Variants in ERBB4 observed in about 807,000 individuals in gnomAD.
ERBB4 encodes erb-b2 receptor tyrosine kinase 4, also known as receptor tyrosine-protein kinase erbB-4.
A neutral mutation model predicts 158.0 loss-of-function variants in ERBB4; 42 were observed. That is an observed-to-expected ratio of 0.27 (90% confidence interval 0.21 to 0.34). ERBB4 has a LOEUF of 0.34. Among genes scored for constraint, ERBB4 ranks in the 10% least tolerant of loss-of-function variants. The probability of loss-of-function intolerance (pLI) is 1.00; values close to 1 mark genes in which losing one functional copy is unlikely to be tolerated. For missense variants in ERBB4, 1,333 were observed against 1,624.1 expected (o/e 0.82, Z 3.08); for synonymous variants, 583 against 558.7 (o/e 1.04, Z -0.61).
chr2:211,978,249 C>T (rs911649984), intron 2 of ERBB4, among the ~76,000 whole-genome samples: 5 of 151,916 alleles, frequency 3.3e-5, no homozygotes, highest in Non-Finnish European at 5.9e-5. Context: ...GTGAAAGTGA[C>T]TTGTGTCACT....
intron 1 of ERBB4, among the ~76,000 whole-genome samples, chr2:212,502,600 T>G (rs1218267820): frequency 6.6e-6 from 1 of 152,172 alleles, no homozygotes; most frequent in East Asian, 1.9e-4. Context: ...GACTGCTGGC[T>G]GTTAACCAAA....
chr2:212,294,328 C>T (rs17418647), intron 1 of ERBB4, among the ~76,000 whole-genome samples: 29,689 of 151,782 alleles, frequency 0.2, 3,164 homozygotes, highest in South Asian at 0.34. Context: ...TACACTAAAA[C>T]TGAGAAATTC....
chr2:212,149,457 T>C (rs1159809635), intron 1 of ERBB4, among the ~76,000 whole-genome samples: 2 of 152,178 alleles, frequency 1.3e-5, no homozygotes, highest in Non-Finnish European at 2.9e-5. Context: ...ATAAACAACT[T>C]ATGAAATCGG....
chr2:211,614,602 T>C (rs183228157), intron 19 of ERBB4, among the ~76,000 whole-genome samples: 3 of 152,202 alleles, frequency 2.0e-5, no homozygotes, highest in African/African-American at 7.2e-5. Context: ...TGGAACAGGA[T>C]ATAGCTAAGA....
At chr2:212,235,610 G>A (rs2083838614) in intron 1 of ERBB4, among the ~76,000 whole-genome samples, 1 of 152,208 alleles carries the variant, frequency 6.6e-6, no homozygotes, top group African/African-American at 2.4e-5. Flanking sequence ...AGAATGGAAT[G>A]TGTTTGCATT....
intron 20 of ERBB4, among the ~76,000 whole-genome samples, chr2:211,451,989 C>A (rs2064256639): frequency 8.2e-6 from 1 of 121,722 alleles, no homozygotes; most frequent in African/African-American, 3.4e-5. Flanking sequence ...TCACATTTCA[C>A]TGCGAGTAGA....
chr2:212,343,497 C>T lies in ERBB4; in HGVS notation c.82+194952G>A, dbSNP rs192954689. On this transcript the variant is annotated intron_variant, in intron 1 of 27. Transcript: ENST00000342788. Reference sequence around the variant, plus strand: ...TCACTACATTCTACAACATACAACTCTAAATGCATTGAATAGAACATAAAT... The same window carrying T: ...TCACTACATTCTACAACATACAACTTTAAATGCATTGAATAGAACATAAAT... Among the ~76,000 whole-genome samples, 308 of 152,220 alleles carry T rather than the reference C, an allele frequency of 2.0e-3. 3 individuals are homozygous for T. The highest frequency in any genetic ancestry group is 3.3e-3 in the South Asian group (16 of 4,824).
intron 2 of ERBB4, among the ~76,000 whole-genome samples, chr2:212,014,031 C>A (rs917004773): frequency 6.6e-6 from 1 of 152,174 alleles, no homozygotes; most frequent in Non-Finnish European, 1.5e-5. Flanking sequence ...TGTAGAACAT[C>A]ACTTGGATTT....
chr2:211,841,753 A>G (rs1279206148), intron 3 of ERBB4, among the ~76,000 whole-genome samples: 1 of 152,048 alleles, frequency 6.6e-6, no homozygotes. Context: ...TCAAATGTCT[A>G]CAATACATTC....
intron 3 of ERBB4, among the ~76,000 whole-genome samples, chr2:211,897,702 A>G (rs2125023053): frequency 6.6e-6 from 1 of 151,984 alleles, no homozygotes; most frequent in Admixed American, 6.6e-5. Context: ...CTTTTTTTAA[A>G]TGGGGAAGAT....
At chr2:211,999,101 A>G (rs549778098) in intron 2 of ERBB4, among the ~76,000 whole-genome samples, 1 of 151,864 alleles carries the variant, frequency 6.6e-6, no homozygotes, top group East Asian at 1.9e-4. Context: ...TTTTTGAGGA[A>G]TATTTAATAA....
At chr2:212,383,027 G>A (rs1373637497) in intron 1 of ERBB4, among the ~76,000 whole-genome samples, 3 of 150,476 alleles carry the variant, frequency 2.0e-5, no homozygotes, top group Non-Finnish European at 4.5e-5. Flanking sequence ...TGACTTTTAT[G>A]TAGTTAATAA....
intron 1 of ERBB4, among the ~76,000 whole-genome samples, chr2:212,194,850 T>A (rs527878021): frequency 6.6e-6 from 1 of 152,124 alleles, no homozygotes; most frequent in African/African-American, 2.4e-5. Flanking sequence ...TTAAGCCACA[T>A]GGAAGATAAA....
intron 2 of ERBB4, among the ~76,000 whole-genome samples, chr2:212,064,578 A>T (rs1360731464): frequency 6.6e-6 from 1 of 151,988 alleles, no homozygotes; most frequent in African/African-American, 2.4e-5. Flanking sequence ...TTTTGGTAGG[A>T]TTATATTTTT....
intron 18 of ERBB4, among the ~76,000 whole-genome samples, chr2:211,623,007 ATATATATATATATATATATATATATAT>A (rs2069683321): frequency 2.9e-5 from 1 of 34,870 alleles, no homozygotes; most frequent in African/African-American, 1.4e-4. Context: ...ATATATATAT[ATATATATATATATATATATATATATAT>A]ATATATATAT....
At chr2:211,754,403 AT>A (rs1457657828) in intron 4 of ERBB4, among the ~76,000 whole-genome samples, 1 of 116,066 alleles carries the variant, frequency 8.6e-6, no homozygotes, top group Admixed American at 9.1e-5. Flanking sequence ...TATTGCAATA[AT>A]CCCTTTTTTT....
At chr2:212,224,128 G>T (rs77264490) in intron 1 of ERBB4, among the ~76,000 whole-genome samples, 9,538 of 151,784 alleles carry the variant, frequency 0.063, 353 homozygotes, top group Non-Finnish European at 0.082. Flanking sequence ...ACAATTAAAT[G>T]CATTTTTGCT....
At chr2:212,505,432 TCAAGTGAGGA>T (rs1691138446) in intron 1 of ERBB4, among the ~76,000 whole-genome samples, 1 of 124,130 alleles carries the variant, frequency 8.1e-6, no homozygotes. Flanking sequence ...GTATTAAACA[TCAAGTGAGGA>T]CACAATGAGG....
chr2:212,472,303 T>C (rs902015178), intron 1 of ERBB4, among the ~76,000 whole-genome samples: 8 of 151,830 alleles, frequency 5.3e-5, no homozygotes, highest in African/African-American at 1.7e-4. Flanking sequence ...CCTTTTACCA[T>C]AGACGTTATT....
Sources: gnomAD v4.1 joint callset for allele counts (sites outside exome capture counted in the v4.1 genomes callset) on GRCh38, gnomAD v4.1.1 for gene constraint, MANE v1.5 for transcripts, NCBI Gene and HGNC (gene_info 2026-07-23, HGNC 2026-07-21) for gene names.